TP53BP1: variants seen among roughly 807,000 people sequenced by gnomAD.
The protein encoded by TP53BP1 is tumor protein p53 binding protein 1, also known as TP53-binding protein 1.
TP53BP1 carries 61 observed loss-of-function variants against 200.8 expected under a neutral mutation model. The observed-to-expected ratio is 0.30, with a 90% confidence interval of 0.25 to 0.38. The LOEUF (loss-of-function observed/expected upper bound fraction) is 0.38, where lower values mean the gene tolerates loss of function less well. TP53BP1 is among the 10% of genes least tolerant of loss of function. The pLI is 1.00. For missense variants in TP53BP1, 2,144 were observed against 2,371.9 expected (o/e 0.90, Z 2.00); for synonymous variants, 822 against 844.3 (o/e 0.97, Z 0.46).
chr15:43,416,484 C>T (rs1324897295), intron 21 of TP53BP1, 68 bp from the exon 22 acceptor site: 7 of 1,474,492 alleles, frequency 4.7e-6, no homozygotes, highest in Non-Finnish European at 6.5e-6. Context: ...CTCACAAGGG[C>T]TCTGTAAAGC....
At chr15:43,451,355 C>T (rs1395122275) in intron 12 of TP53BP1, among the ~76,000 whole-genome samples, 1 of 150,508 alleles carries the variant, frequency 6.6e-6, no homozygotes, top group African/African-American at 2.5e-5. Flanking sequence ...CCACAACAGT[C>T]CCCAGAGTGT....
rs1212440700 is a variant in TP53BP1, at chr15:43,406,900, CAG to C, written c.*481_*482del. 1.2e-5 allele frequency: 3 copies of C among 259,208 alleles called. No individual in the cohort carries two copies. In the South Asian group the frequency reaches 1.4e-4, roughly 12 times the overall value. 16.1% of individuals were successfully genotyped at this position (259,208 alleles called of 1,614,324 possible). On this transcript the variant is annotated 3_prime_UTR_variant, in exon 28 of 28. Coordinates refer to ENST00000382044, the MANE Select transcript of TP53BP1 (RefSeq NM_001141980.3). ...CCACAGGTGAGCTGTGATCTCAGCT[CAG>C]AGAGAGAGCATGAGGTCTTTTTTAA...
Position 43,470,107 on chromosome 15 carries a change from A to C in TP53BP1, c.1181-41T>G, listed in dbSNP as rs757904351. ...AGAAACAAATTGAGAAATATCACTC[A>C]TCAATATTACTCATGTTCCAAAACC... On this transcript the variant is annotated intron_variant, in intron 10 of 27. Coordinates refer to ENST00000382044, the MANE Select transcript of TP53BP1 (RefSeq NM_001141980.3). 2.0e-6 allele frequency: 3 copies of C among 1,507,274 alleles called. No individual in the cohort carries two copies. The East Asian group carries it at 6.8e-5, about 34-fold the overall frequency. The allele number at this position is 1,507,274 out of a possible 1,614,324, so 93.4% of individuals were successfully genotyped here. A position where few individuals can be genotyped will look rare whatever the true frequency, so the allele number is the denominator to read the frequency against.
chr15:43,484,362 T>G (rs1370156091), intron 4 of TP53BP1, among the ~76,000 whole-genome samples: 2 of 152,196 alleles, frequency 1.3e-5, no homozygotes, highest in East Asian at 3.8e-4. Context: ...CTATCACCTT[T>G]TGCTAAATTA....
At position 43,441,718 on chromosome 15, in the gene TP53BP1, A is replaced by C. The variant is rs988055033; in HGVS notation, c.3041-135T>G. On this transcript the variant is annotated intron_variant, in intron 14 of 27. Transcript: ENST00000382044. The stretch of plus-strand genomic sequence containing the variant: ...GAAATAAAAATAAGTAAAACTAGTA[A>C]GTATAAACATACAAACATTTCTTGT... The C allele has an allele frequency of 6.4e-6, 4 of 627,776 alleles. No homozygotes were observed. The African/African-American group carries it at 7.4e-5, about 12-fold the overall frequency. 38.9% of individuals were successfully genotyped at this position (627,776 alleles called of 1,614,324 possible). A position where few individuals can be genotyped will look rare whatever the true frequency, so the allele number is the denominator to read the frequency against.
chr15:43,492,460 T>A lies in TP53BP1; in HGVS notation c.16A>T (p.Met6Leu). 1.9e-6 allele frequency: 3 copies of A among 1,613,426 alleles called. No homozygotes were observed. The change falls in exon 2 of 28, where the codon ATG becomes TTG. Residue 6 changes from methionine to leucine, a missense_variant. By Grantham distance (15) the Met-to-Leu change is conservative (BLOSUM62 2). Around this residue, in one of 4 missense-constraint regions of TP53BP1, gnomAD observed 1,700 missense variants for 1,710.3 expected, o/e 0.99. Coordinates refer to ENST00000382044, the MANE Select transcript of TP53BP1 (RefSeq NM_001141980.3). ...TCCAACTGACTTCCAGTAGGGTCCATCTGCTCCCCTGGAATGGAATAACAA... is the reference window on the plus strand; with the variant it reads ...TCCAACTGACTTCCAGTAGGGTCCAACTGCTCCCCTGGAATGGAATAACAA... MPGEQMDPTGSQLDSD... is the reference protein window; with the variant it reads MPGEQLDPTGSQLDSD...
chr15:43,475,271 T>C (rs186996019), intron 9 of TP53BP1, among the ~76,000 whole-genome samples: 40 of 152,338 alleles, frequency 2.6e-4, no homozygotes, highest in South Asian at 1.7e-3. Flanking sequence ...ATGAGAAGAA[T>C]TGCAAGTAAA....
At position 43,406,305 on chromosome 15, in the gene TP53BP1, A is replaced by G. The variant is rs183189526; in HGVS notation, c.*1078T>C. On this transcript the variant is annotated 3_prime_UTR_variant, in exon 28 of 28. Coordinates refer to ENST00000382044, the MANE Select transcript of TP53BP1 (RefSeq NM_001141980.3). The stretch of plus-strand genomic sequence containing the variant: ...GAATGCAGTGTTCTGGCATCAGGTT[A>G]TAGTCACTGCATCTGGTTTTCATCA... 1 of 255,366 alleles carries G rather than the reference A, an allele frequency of 3.9e-6. No individual in the cohort carries two copies. Among genetic ancestry groups the G allele is most frequent in the African/African-American group, 2.3e-5 (1 of 44,432 alleles). 15.8% of individuals were successfully genotyped at this position (255,366 alleles called of 1,614,324 possible). A position where few individuals can be genotyped will look rare whatever the true frequency, so the allele number is the denominator to read the frequency against.
At position 43,456,942 on chromosome 15, in the gene TP53BP1, T is replaced by C. The variant is rs1327118839; in HGVS notation, c.1666A>G (p.Met556Val). The C allele has an allele frequency of 1.2e-6, 2 of 1,614,178 alleles. No individual in the cohort carries two copies. Among genetic ancestry groups the C allele is most frequent in the Non-Finnish European group, 8.5e-7 (1 of 1,180,042 alleles). The change falls in exon 12 of 28, where the codon ATG becomes GTG. Residue 556 changes from methionine to valine, a missense_variant. Around this residue, in one of 4 missense-constraint regions of TP53BP1, gnomAD observed 1,700 missense variants for 1,710.3 expected, o/e 0.99. Transcript: ENST00000382044. Reference protein sequence around the residue: ...ENTQIEDTEPMSPVLNSKFVP... With the variant: ...ENTQIEDTEPVSPVLNSKFVP... ...AATTTAGAATTGAGAACTGGAGACA[T>C]GGGTTCCGTATCCTCAATCTGTGTG...
At chr15:43,487,393 AAAG>A (rs2079060907) in intron 4 of TP53BP1, among the ~76,000 whole-genome samples, 1 of 152,206 alleles carries the variant, frequency 6.6e-6, no homozygotes, top group Non-Finnish European at 1.5e-5. Context: ...CCACTCTAGA[AAAG>A]TTTGGCAGTT....
chr15:43,508,568 G>T (rs540983085), intron 1 of TP53BP1, among the ~76,000 whole-genome samples: 1 of 152,260 alleles, frequency 6.6e-6, no homozygotes, highest in African/African-American at 2.4e-5. Context: ...AGAGTTTGAG[G>T]TTACAGTGAG....
intron 8 of TP53BP1, among the ~76,000 whole-genome samples, chr15:43,476,107 A>G (rs1323225975): frequency 2.0e-5 from 3 of 152,154 alleles, no homozygotes; most frequent in African/African-American, 7.2e-5. Context: ...TCTACTAAAA[A>G]TACAAAAATT....
chr15:43,443,471 C>T (rs1377031211), intron 14 of TP53BP1, among the ~76,000 whole-genome samples: 3 of 152,264 alleles, frequency 2.0e-5, no homozygotes, highest in African/African-American at 4.8e-5. Context: ...GCAGGAGGAT[C>T]GCTTGAGCCC....
intron 18 of TP53BP1, among the ~76,000 whole-genome samples, chr15:43,422,379 G>T (rs998124176): frequency 2.6e-5 from 4 of 151,860 alleles, no homozygotes; most frequent in Non-Finnish European, 4.4e-5. Flanking sequence ...GAGAAGAATT[G>T]TTCATTCTAA....
intron 11 of TP53BP1, among the ~76,000 whole-genome samples, chr15:43,460,252 A>G (rs2046397584): frequency 6.6e-6 from 1 of 151,924 alleles, no homozygotes; most frequent in African/African-American, 2.4e-5. Flanking sequence ...TTCATTTCCT[A>G]TGTTTTGTTT....
rs761999684 is a variant in TP53BP1 at position 43,432,229 on chromosome 15, C to G, written c.3640G>C (p.Ala1214Pro). 3.7e-6 allele frequency: 6 copies of G among 1,614,028 alleles called. No individual in the cohort carries two copies. Among genetic ancestry groups the G allele is most frequent in the Non-Finnish European group, 5.1e-6 (6 of 1,180,000 alleles). Reference protein sequence around the residue: ...ERGSGEKPVSAPGDDTESLHS... With the variant: ...ERGSGEKPVSPPGDDTESLHS... ...AGCGACTCTGTATCATCCCCAGGAG[C>G]ACTGACTGGTTTCTCACCACTCCCC... Residue 1214 changes from alanine to proline, a missense_variant, in exon 17 of 28, where the codon GCT becomes CCT. Ala to Pro is a conservative substitution (Grantham distance 27). Around this residue, in one of 4 missense-constraint regions of TP53BP1, gnomAD observed 1,700 missense variants for 1,710.3 expected, o/e 0.99. Transcript: ENST00000382044.
intron 16 of TP53BP1, among the ~76,000 whole-genome samples, chr15:43,434,291 T>C (rs2045740128): frequency 6.6e-6 from 1 of 152,144 alleles, no homozygotes. Context: ...CATAAGACAA[T>C]GCAATTAAAC....
rs1459969708 is a variant in TP53BP1 at position 43,422,010 on chromosome 15, G to A, written c.3945C>T (p.Ser1315=). The change falls in exon 19 of 28, where the codon TCC becomes TCT. Residue 1315 remains serine (S), a synonymous_variant. Transcript: ENST00000382044. ...TCCCACTTGATGTGCGGTGTAAGCT[G>A]GATGCCTTGGAGGAGAAGGAGCTGA... ...GDISSFSSKA[S]SLHRTSSGTS... is the part of the protein sequence containing the mutation. The A allele has an allele frequency of 1.9e-6, 3 of 1,614,184 alleles. No homozygotes were observed. Among genetic ancestry groups the A allele is most frequent in the Non-Finnish European group, 2.5e-6 (3 of 1,180,040 alleles).
At chr15:43,460,457 T>C (rs867273831) in intron 11 of TP53BP1, among the ~76,000 whole-genome samples, 1 of 152,142 alleles carries the variant, frequency 6.6e-6, no homozygotes, top group South Asian at 2.1e-4. Context: ...GAGGGTCTCA[T>C]TTTGTTGCCC....
Sources: gnomAD v4.1 joint callset for allele counts (sites outside exome capture counted in the v4.1 genomes callset) on GRCh38, gnomAD v4.1.1 for gene constraint, gnomAD v4.1.1 regional missense constraint, MANE v1.5 for transcripts, NCBI Gene and HGNC (gene_info 2026-07-23, HGNC 2026-07-21) for gene names.